RBFOX2: variants seen among roughly 807,000 people sequenced by gnomAD.
RBFOX2 encodes RNA binding fox-1 homolog 2.
A neutral mutation model predicts 49.1 loss-of-function variants in RBFOX2; 10 were observed. That is an observed-to-expected ratio of 0.20 (90% confidence interval 0.13 to 0.35). The LOEUF is 0.35. Ranked by LOEUF, RBFOX2 falls within the 10% of genes least tolerant of loss-of-function variation. The pLI, the probability that RBFOX2 is intolerant of heterozygous loss-of-function variation, is 1.00. For synonymous variants in RBFOX2, 183 were observed against 187.4 expected (o/e 0.98, Z 0.19); for missense variants, 323 against 486.9 (o/e 0.66, Z 3.17).
intron 1 of RBFOX2, chr22:35,822,790 A>G (rs1293730242): frequency 9.4e-6 from 4 of 425,054 alleles, no homozygotes; most frequent in Admixed American, 3.0e-5. Context: ...CTTTGGAGAC[A>G]AACACTGTTT....
At chr22:35,754,767 A>G (rs1301406313) in intron 9 of RBFOX2, among the ~76,000 whole-genome samples, 1 of 152,212 alleles carries the variant, frequency 6.6e-6, no homozygotes, top group African/African-American at 2.4e-5. Flanking sequence ...TTAAAGTACA[A>G]AGAGAGGTAA....
At chr22:35,887,547 G>T (rs2149342529) in intron 1 of RBFOX2, among the ~76,000 whole-genome samples, 1 of 152,238 alleles carries the variant, frequency 6.6e-6, no homozygotes, top group Middle Eastern at 3.4e-3. Flanking sequence ...CTCAGCAGGG[G>T]CAAGCATCGG....
At chr22:35,938,704 C>G (rs533851396) in intron 1 of RBFOX2, 143 bp downstream of exon 2, 1 of 711,250 alleles carries the variant, frequency 1.4e-6, no homozygotes, top group East Asian at 2.6e-5. Flanking sequence ...TAATTTACAT[C>G]TGTAAAAGTA....
intron 1 of RBFOX2, among the ~76,000 whole-genome samples, chr22:35,935,403 C>G (rs1008019970): frequency 6.6e-6 from 1 of 152,098 alleles, no homozygotes; most frequent in African/African-American, 2.4e-5. Context: ...CATAAAGCTT[C>G]TTAATAGATC....
At chr22:35,919,372 A>C (rs1212115678) in intron 1 of RBFOX2, among the ~76,000 whole-genome samples, 1 of 152,154 alleles carries the variant, frequency 6.6e-6, no homozygotes, top group Non-Finnish European at 1.5e-5. Flanking sequence ...ATGCCACCTC[A>C]ACTAAAAATA....
intron 6 of RBFOX2, among the ~76,000 whole-genome samples, chr22:35,763,333 G>A (rs1011154803): frequency 2.6e-5 from 4 of 152,150 alleles, no homozygotes; most frequent in African/African-American, 7.2e-5. Context: ...AGGCTGAGGC[G>A]GAGGGATCAC....
chr22:35,833,905 GATA>G (rs749779891), intron 1 of RBFOX2, among the ~76,000 whole-genome samples: 1 of 151,890 alleles, frequency 6.6e-6, no homozygotes, highest in Non-Finnish European at 1.5e-5. Context: ...AGTATTATTA[GATA>G]ATATTAATAT....
At chr22:35,811,671 T>C (rs1951892562) in intron 1 of RBFOX2, among the ~76,000 whole-genome samples, 1 of 152,112 alleles carries the variant, frequency 6.6e-6, no homozygotes, top group Non-Finnish European at 1.5e-5. Flanking sequence ...TACATAAAAA[T>C]TTTCCTGCTA....
intron 1 of RBFOX2, among the ~76,000 whole-genome samples, chr22:35,856,604 A>G (rs2042536846): frequency 6.6e-6 from 1 of 151,236 alleles, no homozygotes; most frequent in South Asian, 2.1e-4. Context: ...AAAAAGAGAT[A>G]GGTCAGTTCT....
At position 36,012,505 on chromosome 22, in the gene RBFOX2, A is replaced by G. The variant is rs148929078; in HGVS notation, c.186+15735T>C. Reference sequence around the variant, plus strand: ...AAGGCTGAGGTGGCAGAATCGCTTGAGGAGTTCAAGGCTGCAGTGAGCTAT... The same window carrying G: ...AAGGCTGAGGTGGCAGAATCGCTTGGGGAGTTCAAGGCTGCAGTGAGCTAT... On this transcript the variant is annotated intron_variant, in intron 1 of 13. Transcript: ENST00000438146. Among the ~76,000 whole-genome samples, 500 of 152,256 alleles carry G rather than the reference A, an allele frequency of 3.3e-3. 3 individuals carry two copies. Among genetic ancestry groups the G allele is most frequent in the Middle Eastern group, 0.01 (3 of 294 alleles).
At chr22:36,007,624 A>C (rs1347494037) in intron 1 of RBFOX2, among the ~76,000 whole-genome samples, 1 of 152,212 alleles carries the variant, frequency 6.6e-6, no homozygotes, top group Non-Finnish European at 1.5e-5. Flanking sequence ...ATTTTTTTAT[A>C]TACAATAAAA....
exon 1 of RBFOX2, chr22:36,028,265 G>T: frequency 6.5e-7 from 1 of 1,530,794 alleles, no homozygotes; most frequent in South Asian, 1.2e-5. Flanking sequence ...ACCGTCGGCC[G>T]CCGCCTCCTC....
At chr22:35,841,498 A>G (rs900725506), upstream of RBFOX2, among the ~76,000 whole-genome samples, 3 of 152,136 alleles carry the variant, frequency 2.0e-5, no homozygotes, top group African/African-American at 7.2e-5. Context: ...TAATTTCCCT[A>G]TTTTATATTA....
At chr22:35,890,969 A>G (rs2047168923) in intron 1 of RBFOX2, among the ~76,000 whole-genome samples, 1 of 152,072 alleles carries the variant, frequency 6.6e-6, no homozygotes, top group African/African-American at 2.4e-5. Flanking sequence ...GGATAATGAT[A>G]CTTAGTCCTT....
At chr22:35,789,479 G>T (rs566038978) in intron 2 of RBFOX2, among the ~76,000 whole-genome samples, 36 of 152,184 alleles carry the variant, frequency 2.4e-4, no homozygotes, top group African/African-American at 8.7e-4. Flanking sequence ...GGAGGCAGAG[G>T]TTGCAATGAG....
chr22:35,968,757 C>T (rs925080312), intron 1 of RBFOX2, among the ~76,000 whole-genome samples: 1 of 152,134 alleles, frequency 6.6e-6, no homozygotes, highest in African/African-American at 2.4e-5. Flanking sequence ...GTGTGGAAAA[C>T]AGACATAGTC....
chr22:35,748,378 C>T (rs934436888), intron 9 of RBFOX2: 7 of 152,084 alleles, frequency 4.6e-5, no homozygotes, highest in Admixed American at 2.6e-4. Context: ...CCTTGGGGGC[C>T]GTTTCTGATC....
At chr22:35,801,447 A>ACTCT (rs533761207) in intron 2 of RBFOX2, among the ~76,000 whole-genome samples, 12 of 117,848 alleles carry the variant, frequency 1.0e-4, no homozygotes, top group African/African-American at 3.4e-4. Flanking sequence ...ACACACACAC[A>ACTCT]CTCTCTCTCT....
chr22:35,954,068 A>T (rs1367225237), intron 1 of RBFOX2, among the ~76,000 whole-genome samples: 1 of 152,134 alleles, frequency 6.6e-6, no homozygotes, highest in African/African-American at 2.4e-5. Flanking sequence ...TATAACACAC[A>T]ATATATATGT....
Sources: gnomAD v4.1 joint callset for allele counts (sites outside exome capture counted in the v4.1 genomes callset) on GRCh38, gnomAD v4.1.1 for gene constraint, MANE v1.5 for transcripts, NCBI Gene and HGNC (gene_info 2026-07-23, HGNC 2026-07-21) for gene names.